The following ARID1B variants were observed in gnomAD, a reference collection of about 807,000 sequenced individuals.
ARID1B encodes the protein AT-rich interaction domain 1B.
A neutral mutation model predicts 212.3 loss-of-function variants in ARID1B; 30 were observed. The ratio of observed to expected loss-of-function variants is 0.14; its 90% CI spans 0.11 to 0.19. ARID1B has a LOEUF of 0.19. ARID1B is among the 10% of genes least tolerant of loss of function. The probability of loss-of-function intolerance (pLI) is 1.00; values close to 1 mark genes in which losing one functional copy is unlikely to be tolerated. For synonymous variants in ARID1B, 1,402 were observed against 1,301.7 expected (o/e 1.08, Z -1.66); for missense variants, 2,891 against 3,204.0 (o/e 0.90, Z 2.36).
chr6:157,055,601 GGTAA>G (rs1175871464), intron 4 of ARID1B, among the ~76,000 whole-genome samples: 1 of 152,168 alleles, frequency 6.6e-6, no homozygotes, highest in Non-Finnish European at 1.5e-5. Context: ...AGATTTGAAA[GGTAA>G]GTGAGGTTTC....
intron 4 of ARID1B, among the ~76,000 whole-genome samples, chr6:156,994,704 G>T (rs1379426963): frequency 1.3e-5 from 2 of 152,162 alleles, no homozygotes; most frequent in Admixed American, 1.3e-4. Flanking sequence ...GTTCCCTCCA[G>T]TGTCAGTGAC....
intron 3 of ARID1B, among the ~76,000 whole-genome samples, chr6:156,911,737 G>C (rs1789909405): frequency 6.6e-6 from 1 of 152,216 alleles, no homozygotes; most frequent in Non-Finnish European, 1.5e-5. Flanking sequence ...TAGAAGGCTT[G>C]TGAGAGAGTC....
chr6:157,166,649 T>C (rs1791345800), intron 8 of ARID1B: 1 of 156,034 alleles, frequency 6.4e-6, no homozygotes, highest in South Asian at 2.0e-4. Context: ...TTTTCATTTC[T>C]TAACCTTTGG....
chr6:157,154,851 G>T (rs1245912885), intron 8 of ARID1B, among the ~76,000 whole-genome samples: 1 of 152,118 alleles, frequency 6.6e-6, no homozygotes, highest in African/African-American at 2.4e-5. Flanking sequence ...AAAGTGCTGG[G>T]ATTACAGGCA....
At chr6:156,986,901 G>T (rs530428737) in intron 4 of ARID1B, among the ~76,000 whole-genome samples, 1 of 152,232 alleles carries the variant, frequency 6.6e-6, no homozygotes, top group South Asian at 2.1e-4. Context: ...AACATAGGCC[G>T]GGTGCGGTGG....
chr6:156,935,040 T>C (rs1241124957), intron 3 of ARID1B, among the ~76,000 whole-genome samples: 7 of 150,428 alleles, frequency 4.7e-5, no homozygotes, highest in South Asian at 2.1e-4. Context: ...CCATAACATA[T>C]TTATATGCCT....
chr6:157,019,376 A>G (rs60978062), intron 4 of ARID1B, among the ~76,000 whole-genome samples: 3,923 of 152,306 alleles, frequency 0.026, 163 homozygotes, highest in African/African-American at 0.09. Context: ...TGCTGATTTC[A>G]TTCTCATAAC....
intron 2 of ARID1B, among the ~76,000 whole-genome samples, chr6:156,855,131 T>G (rs1324761563): frequency 2.6e-5 from 4 of 152,204 alleles, no homozygotes; most frequent in Non-Finnish European, 5.9e-5. Flanking sequence ...AAGAGATGAA[T>G]GAACATAGGT....
chr6:156,916,615 C>T (rs907425696), intron 3 of ARID1B, among the ~76,000 whole-genome samples: 2 of 152,058 alleles, frequency 1.3e-5, no homozygotes, highest in African/African-American at 2.4e-5. Context: ...TTGTTTTGCT[C>T]TAACGTTTCT....
chr6:157,119,983 G>T (rs930544748), intron 6 of ARID1B, among the ~76,000 whole-genome samples: 3 of 152,168 alleles, frequency 2.0e-5, no homozygotes, highest in African/African-American at 7.2e-5. Flanking sequence ...TGGATATATT[G>T]CACAATTCAA....
intron 2 of ARID1B, among the ~76,000 whole-genome samples, chr6:156,886,397 A>G (rs114478002): frequency 6.6e-6 from 1 of 152,110 alleles, no homozygotes; most frequent in Non-Finnish European, 1.5e-5. Context: ...ATGTGTGTGC[A>G]TTTCTCATTT....
chr6:157,018,212 C>CTTTTTTTTTTTTGTTTTTTTTTTTTTTTT (rs1780024127), intron 4 of ARID1B, among the ~76,000 whole-genome samples: 1 of 72,432 alleles, frequency 1.4e-5, no homozygotes, highest in African/African-American at 6.5e-5. Context: ...AAGTAGTATG[C>CTTTTTTTTTTTTGTTTTTTTTTTTTTTTT]TTTTTTTTTT....
rs1054173298 is a variant in ARID1B, at chr6:157,176,217, C to G, written c.3504+1212C>G. Among the ~76,000 whole-genome samples, 19 of 152,128 alleles carry G rather than the reference C, an allele frequency of 1.2e-4. No individual in the cohort carries two copies. The East Asian group carries it at 2.7e-3, about 22-fold the overall frequency. ...AGCTACGTTTCGATTTTGCAGCACC[C>G]GTGATGAAAGAGAAAGCGCTTCTAG... On this transcript the variant is annotated intron_variant, in intron 11 of 19. Transcript: ENST00000636930.
At chr6:156,992,134 T>C (rs541624273) in intron 4 of ARID1B, among the ~76,000 whole-genome samples, 1 of 152,206 alleles carries the variant, frequency 6.6e-6, no homozygotes, top group Non-Finnish European at 1.5e-5. Context: ...GTATAATAAC[T>C]GTACAGGGTA....
chr6:156,876,096 A>G (rs1562452406), intron 2 of ARID1B, among the ~76,000 whole-genome samples: 1 of 152,154 alleles, frequency 6.6e-6, no homozygotes, highest in Non-Finnish European at 1.5e-5. Flanking sequence ...TTAGAGTTGT[A>G]TCTCTGGATG....
In ARID1B at chr6:157,091,075, T is replaced by TCAC. The variant is rs1344271310; in HGVS notation, c.2491+6171_2491+6173dup. On this transcript the variant is annotated intron_variant, in intron 5 of 19. Transcript: ENST00000636930. ...TTCAGTCTCTGTCCTTTGAAAAGGATCACAGGTGTGACGAGCCTGAAGAAA... is the reference window on the plus strand; with the variant it reads ...TTCAGTCTCTGTCCTTTGAAAAGGATCACCACAGGTGTGACGAGCCTGAAGAAA... Among the ~76,000 whole-genome samples the TCAC allele has an allele frequency of 4.6e-5, 7 of 152,190 alleles. 1 individual carries two copies. The highest frequency in any genetic ancestry group is 4.6e-4 in the Admixed American group (7 of 15,288).
At chr6:157,051,794 G>A (rs1782622940) in intron 4 of ARID1B, among the ~76,000 whole-genome samples, 1 of 152,064 alleles carries the variant, frequency 6.6e-6, no homozygotes, top group Non-Finnish European at 1.5e-5. Flanking sequence ...CACACTCTTA[G>A]GTATTGATAT....
intron 6 of ARID1B, among the ~76,000 whole-genome samples, chr6:157,113,059 T>C (rs1389944067): frequency 6.6e-6 from 1 of 151,970 alleles, no homozygotes; most frequent in Non-Finnish European, 1.5e-5. Flanking sequence ...GTAGCTGAGA[T>C]TACAGGCATG....
At chr6:156,802,505 T>C (rs925592730) in intron 1 of ARID1B, among the ~76,000 whole-genome samples, 4 of 152,210 alleles carry the variant, frequency 2.6e-5, no homozygotes, top group African/African-American at 9.6e-5. Flanking sequence ...AAATATCAAA[T>C]GTTAATTTAA....
Sources: allele counts gnomAD v4.1 joint callset (sites outside exome capture counted in the v4.1 genomes callset), GRCh38; gene constraint gnomAD v4.1.1; transcripts MANE v1.5; gene names NCBI Gene and HGNC (gene_info 2026-07-23, HGNC 2026-07-21).